The following KDM6A variants were observed in gnomAD, a reference collection of about 807,000 sequenced individuals.
KDM6A encodes the protein lysine-specific demethylase 6A.
Under a neutral mutation model 117.6 loss-of-function variants are expected in KDM6A, and 11 were observed. That is an observed-to-expected ratio of 0.09 (90% CI 0.06 to 0.15). The LOEUF (loss-of-function observed/expected upper bound fraction) is 0.15, where lower values mean the gene tolerates loss of function less well. Ranked by LOEUF, KDM6A falls within the 10% of genes least tolerant of loss-of-function variation. The probability of loss-of-function intolerance (pLI) is 1.00; values close to 1 mark genes in which losing one functional copy is unlikely to be tolerated. For synonymous variants in KDM6A, 384 were observed against 396.1 expected (o/e 0.97, Z 0.36); for missense variants, 799 against 1,077.3 (o/e 0.74, Z 3.62).
rs185318972 is a variant in KDM6A at position 44,939,039 on chromosome X, T to G, written c.226-22245T>G. On this transcript the variant is annotated intron_variant, in intron 2 of 29. Coordinates refer to ENST00000611820, the MANE Select transcript of KDM6A (RefSeq NM_001291415.2). ...ACCCAAGAGCTCTGGTGGAGATACA[T>G]AAGGAGACAAATGTGTTCATGCCTG... Among the ~76,000 whole-genome samples, 548 of 112,503 alleles carry G rather than the reference T, an allele frequency of 4.9e-3. 5 individuals are homozygous for G. In the South Asian group the frequency reaches 0.062, roughly 13 times the overall value.
intron 2 of KDM6A, among the ~76,000 whole-genome samples, chrX:44,880,475 G>A (rs1172585529): frequency 1.1e-4 from 11 of 102,553 alleles, no homozygotes; most frequent in Non-Finnish European, 1.8e-4. Flanking sequence ...TTTTAACACC[G>A]TAGACATATA....
intron 27 of KDM6A, among the ~76,000 whole-genome samples, chrX:45,091,315 TA>T (rs1314107234): frequency 8.9e-6 from 1 of 111,906 alleles, no homozygotes; most frequent in African/African-American, 3.2e-5. Flanking sequence ...CTGAGCTACT[TA>T]AAAAAATTTA....
intron 6 of KDM6A, among the ~76,000 whole-genome samples, chrX:45,023,353 C>CT (rs747495024): frequency 2.7e-5 from 3 of 110,447 alleles, no homozygotes; most frequent in Non-Finnish European, 3.8e-5. Flanking sequence ...TAATAGATTC[C>CT]TTTTTTTTCC....
chrX:44,929,744 A>G (rs747343519), intron 2 of KDM6A, among the ~76,000 whole-genome samples: 6 of 112,051 alleles, frequency 5.4e-5, no homozygotes, highest in Non-Finnish European at 1.1e-4. Context: ...ACCATTTTAA[A>G]TGCATTTCTA....
chrX:44,916,599 G>C (rs934626763), intron 2 of KDM6A, among the ~76,000 whole-genome samples: 3 of 110,665 alleles, frequency 2.7e-5, no homozygotes, highest in Non-Finnish European at 5.7e-5. Context: ...TACTTTAGTA[G>C]TATACCATAT....
chrX:44,907,390 G>C (rs1398154395), intron 2 of KDM6A, among the ~76,000 whole-genome samples: 3 of 108,207 alleles, frequency 2.8e-5, no homozygotes, highest in Non-Finnish European at 5.7e-5. Context: ...TAGTTCCCCT[G>C]CCTCAGCCTC....
At chrX:45,016,180 G>A (rs1279148956) in intron 5 of KDM6A, among the ~76,000 whole-genome samples, 1 of 110,646 alleles carries the variant, frequency 9.0e-6, no homozygotes, top group Non-Finnish European at 1.9e-5. Context: ...TGTGACTTTT[G>A]CCTTCTTCCA....
At chrX:45,034,821 A>T (rs1270687194) in intron 6 of KDM6A, 110 bp from the exon 7 acceptor site, 1 of 599,742 alleles carries the variant, frequency 1.7e-6, no homozygotes, top group Non-Finnish European at 2.9e-6. Flanking sequence ...TTTTATTTGC[A>T]TAGCATGTAT....
At chrX:44,928,661 C>T (rs186743613) in intron 2 of KDM6A, among the ~76,000 whole-genome samples, 9 of 111,193 alleles carry the variant, frequency 8.1e-5, no homozygotes, top group East Asian at 2.8e-4. Context: ...AATAAGGAGA[C>T]GGGGAAAAGC....
chrX:45,109,132 TAATAATAATA>T (rs1323873446), intron 28 of KDM6A, among the ~76,000 whole-genome samples: 2 of 90,520 alleles, frequency 2.2e-5, no homozygotes, highest in African/African-American at 8.2e-5. Flanking sequence ...AAAAAAATAA[TAATAATAATA>T]AATAAATAAA....
chrX:44,911,724 C>T (rs1192266972), intron 2 of KDM6A, among the ~76,000 whole-genome samples: 1 of 111,707 alleles, frequency 9.0e-6, no homozygotes, highest in Non-Finnish European at 1.9e-5. Context: ...CACTGCACTC[C>T]AGCCTGGGCA....
At chrX:44,923,131 C>T (rs1027805640) in intron 2 of KDM6A, among the ~76,000 whole-genome samples, 23 of 111,725 alleles carry the variant, frequency 2.1e-4, no homozygotes, top group Admixed American at 9.5e-4. Flanking sequence ...CTCTGTAAGA[C>T]GTCTCCTGCC....
intron 17 of KDM6A, among the ~76,000 whole-genome samples, chrX:45,068,829 C>CTTTCTCTTTCTCTTTCT (rs1569535225): frequency 3.1e-4 from 4 of 13,114 alleles, no homozygotes; most frequent in African/African-American, 8.1e-4. Flanking sequence ...TTTCTCTTTC[C>CTTTCTCTTTCTCTTTCT]CTTTCCCTTT....
chrX:45,049,523 A>G (rs967866534), intron 8 of KDM6A, among the ~76,000 whole-genome samples: 3 of 112,161 alleles, frequency 2.7e-5, no homozygotes, highest in Middle Eastern at 4.2e-3. Context: ...ATCTAATTTC[A>G]TATTTCCAAA....
intron 6 of KDM6A, among the ~76,000 whole-genome samples, chrX:45,028,560 G>T (rs1173492342): frequency 8.9e-6 from 1 of 112,074 alleles, no homozygotes; most frequent in African/African-American, 3.2e-5. Context: ...AGTTTCACCT[G>T]AGTGTAACAT....
At position 45,089,805 on chromosome X, in the gene KDM6A, A is replaced by G; in HGVS notation, c.3767A>G (p.Asn1256Ser). The G allele has an allele frequency of 8.3e-7, 1 of 1,208,464 alleles. No individual in the cohort carries two copies. Among genetic ancestry groups the G allele is most frequent in the East Asian group, 3.0e-5 (1 of 33,803 alleles). Residue 1256 changes from asparagine (N) to serine (S), a missense_variant, in exon 26 of 30, where the codon AAT becomes AGT. By Grantham distance (46) the Asn-to-Ser change is conservative. This residue lies in a region of KDM6A where 291 missense variants were observed against 437.9 expected (regional missense o/e 0.66). Coordinates refer to ENST00000611820, the MANE Select transcript of KDM6A (RefSeq NM_001291415.2). ...AATCTTGAAGATCTTTATGAAGCAAATGTTCCAGTGTATAGGTTTATTCAG... is the reference window on the plus strand; with the variant it reads ...AATCTTGAAGATCTTTATGAAGCAAGTGTTCCAGTGTATAGGTTTATTCAG... ...WPNLEDLYEANVPVYRFIQRP... is the reference protein window; with the variant it reads ...WPNLEDLYEASVPVYRFIQRP...
Position 45,051,694 on chromosome X carries a change from T to G in KDM6A, c.655-15T>G, listed in dbSNP as rs754965854. ...TATGTTAATTTTTCTCCAAATCTCT[T>G]TTTCTGTTCTTTAGAGGAAATATCA... is the stretch of plus-strand genomic sequence containing the variant. On this transcript the variant is annotated splice_polypyrimidine_tract_variant and intron_variant, in intron 8 of 29. Coordinates refer to ENST00000611820, the MANE Select transcript of KDM6A (RefSeq NM_001291415.2). 1 of 1,034,554 alleles carries G rather than the reference T, an allele frequency of 9.7e-7. No individual in the cohort carries two copies. The highest frequency in any genetic ancestry group is 1.9e-5 in the African/African-American group (1 of 53,697). The allele number at this position is 1,034,554 out of a possible 1,213,427, so 85.3% of individuals were successfully genotyped here. A position where few individuals can be genotyped will look rare whatever the true frequency, so the allele number is the denominator to read the frequency against.
At position 45,111,612 on chromosome X, in the gene KDM6A, G is replaced by A; in HGVS notation, c.*201G>A. 1 of 400,740 alleles carries A rather than the reference G, an allele frequency of 2.5e-6. No homozygotes were observed. The allele number at this position is 400,740 out of a possible 1,213,427, so 33.0% of individuals were successfully genotyped here. A position where few individuals can be genotyped will look rare whatever the true frequency, so the allele number is the denominator to read the frequency against. ...AGGACTCTCACAAAGCTGATGAGCTGTACTTCAGAAAAAAATAATAATTTC... is the reference window on the plus strand; with the variant it reads ...AGGACTCTCACAAAGCTGATGAGCTATACTTCAGAAAAAAATAATAATTTC... On this transcript the variant is annotated 3_prime_UTR_variant, in exon 30 of 30. Coordinates refer to ENST00000611820, the MANE Select transcript of KDM6A (RefSeq NM_001291415.2).
At chrX:45,109,458 G>T (rs1722857379) in intron 28 of KDM6A, among the ~76,000 whole-genome samples, 1 of 111,776 alleles carries the variant, frequency 8.9e-6, no homozygotes, top group African/African-American at 3.2e-5. Flanking sequence ...TTCTGTCATT[G>T]AAGAAATTTA....
Sources: allele counts gnomAD v4.1 joint callset (sites outside exome capture counted in the v4.1 genomes callset), GRCh38; gene constraint gnomAD v4.1.1; regional missense constraint gnomAD v4.1.1; transcripts MANE v1.5; gene names NCBI Gene and HGNC (gene_info 2026-07-23, HGNC 2026-07-21).